The following GNB4 variants were observed in gnomAD, a reference collection of about 807,000 sequenced individuals.
The protein encoded by GNB4 is G protein subunit beta 4.
GNB4 carries 28 observed loss-of-function variants against 45.2 expected under a neutral mutation model. That is an observed-to-expected ratio of 0.62 (90% confidence interval 0.46 to 0.85). GNB4 has a LOEUF of 0.85. GNB4 is among the 40% of genes least tolerant of loss of function. The pLI is 0.00. For synonymous variants in GNB4, 132 were observed against 143.7 expected (o/e 0.92, Z 0.58); for missense variants, 321 against 425.4 (o/e 0.75, Z 2.16).
chr3:179,442,396 C>T (rs1715617424), intron 1 of GNB4, among the ~76,000 whole-genome samples: 1 of 152,108 alleles, frequency 6.6e-6, no homozygotes, highest in Non-Finnish European at 1.5e-5. Flanking sequence ...AGGGCATTTC[C>T]TTTTACTTAG....
the GNB4 span, among the ~76,000 whole-genome samples, chr3:179,490,667 G>T: frequency 2.6e-5 from 4 of 152,182 alleles, no homozygotes; most frequent in East Asian, 1.9e-4. Context: ...GTGTATCCCG[G>T]TTCTGAGGGA....
At chr3:179,526,711 T>C in the GNB4 span, among the ~76,000 whole-genome samples, 23 of 152,314 alleles carry the variant, frequency 1.5e-4, no homozygotes, top group Non-Finnish European at 3.1e-4. Flanking sequence ...CAAGTTATAA[T>C]CTAGATTGAG....
At chr3:179,453,175 T>C (rs139195001), upstream of GNB4, among the ~76,000 whole-genome samples, 1 of 152,342 alleles carries the variant, frequency 6.6e-6, no homozygotes, top group Non-Finnish European at 1.5e-5. Flanking sequence ...GGAGTCACTG[T>C]GCAGTGATGT....
At chr3:179,422,486 C>CAA (rs11400633) in intron 2 of GNB4, among the ~76,000 whole-genome samples, 2 of 148,400 alleles carry the variant, frequency 1.3e-5, no homozygotes, top group African/African-American at 2.5e-5. Flanking sequence ...CAAAACAAAA[C>CAA]AAAAAAAAGA....
At chr3:179,500,430 C>A in the GNB4 span, among the ~76,000 whole-genome samples, 2 of 152,118 alleles carry the variant, frequency 1.3e-5, no homozygotes, top group Non-Finnish European at 2.9e-5. Flanking sequence ...CCGTTCTGTT[C>A]CATTGGTCTA....
chr3:179,437,692 C>T (rs1715493574), intron 1 of GNB4: 1 of 152,078 alleles, frequency 6.6e-6, no homozygotes, highest in Non-Finnish European at 1.5e-5. Flanking sequence ...AAAAAAAAAC[C>T]TGTAGTTTTC....
chr3:179,514,289 G>A, the GNB4 span, among the ~76,000 whole-genome samples: 4 of 152,298 alleles, frequency 2.6e-5, no homozygotes, highest in African/African-American at 9.6e-5. Context: ...GCATTCTAGA[G>A]TCAAGGAACA....
the GNB4 span, among the ~76,000 whole-genome samples, chr3:179,485,012 T>G: frequency 1.9e-4 from 12 of 64,470 alleles, no homozygotes; most frequent in East Asian, 1.1e-3. Context: ...TTTGTTTTTT[T>G]TTTTTTTTTT....
Position 179,414,682 on chromosome 3 carries a change from TAC to T in GNB4, c.430+201_430+202del, listed in dbSNP as rs531383780. Reference sequence around the variant, plus strand: ...AATTTATCATTTTTTACAAAAACAATACAGCTATTTTTGAAAAATAAAATTAT... The same window carrying T: ...AATTTATCATTTTTTACAAAAACAATAGCTATTTTTGAAAAATAAAATTAT... On this transcript the variant is annotated intron_variant, in intron 6 of 9. Transcript: ENST00000232564. Among the ~76,000 whole-genome samples, 1,192 of 152,272 alleles carry T rather than the reference TAC, an allele frequency of 7.8e-3. 6 individuals carry two copies. Among genetic ancestry groups the T allele is most frequent in the Non-Finnish European group, 0.011 (750 of 68,020 alleles).
At chr3:179,508,363 G>A in the GNB4 span, among the ~76,000 whole-genome samples, 2 of 152,162 alleles carry the variant, frequency 1.3e-5, no homozygotes, top group Non-Finnish European at 2.9e-5. Flanking sequence ...TGACACATGG[G>A]CACAGCAGAC....
chr3:179,509,043 C>G, the GNB4 span, among the ~76,000 whole-genome samples: 1 of 150,222 alleles, frequency 6.7e-6, no homozygotes, highest in African/African-American at 2.5e-5. Flanking sequence ...TTTCCTAGCT[C>G]TGTCCACTGA....
At chr3:179,409,877 C>A (rs1219112401) in intron 8 of GNB4, among the ~76,000 whole-genome samples, 1 of 151,608 alleles carries the variant, frequency 6.6e-6, no homozygotes, top group African/African-American at 2.4e-5. Context: ...TCCGAGTGAT[C>A]AGTTTGGCTT....
chr3:179,524,448 A>G, the GNB4 span, among the ~76,000 whole-genome samples: 1 of 152,352 alleles, frequency 6.6e-6, no homozygotes, highest in East Asian at 1.9e-4. Context: ...TGGCTTAGGC[A>G]TTTTGAAGTT....
intron 8 of GNB4, among the ~76,000 whole-genome samples, chr3:179,408,046 G>A (rs1170319120): frequency 6.6e-6 from 1 of 152,120 alleles, no homozygotes; most frequent in Non-Finnish European, 1.5e-5. Context: ...AACTTGGCCA[G>A]TCTGATTTTA....
the GNB4 span, among the ~76,000 whole-genome samples, chr3:179,470,847 CA>C: frequency 6.6e-6 from 1 of 151,998 alleles, no homozygotes; most frequent in Admixed American, 6.5e-5. Context: ...ACAAAAGAGT[CA>C]AAAAGTTTAA....
At chr3:179,495,119 G>A in the GNB4 span, among the ~76,000 whole-genome samples, 1 of 152,004 alleles carries the variant, frequency 6.6e-6, no homozygotes, top group African/African-American at 2.4e-5. Context: ...TGGGCATGAT[G>A]GCGTGTGTCC....
chr3:179,509,228 T>C, the GNB4 span, among the ~76,000 whole-genome samples: 1 of 151,214 alleles, frequency 6.6e-6, no homozygotes, highest in Non-Finnish European at 1.5e-5. Context: ...CCTTTTTCAT[T>C]GATATTGATA....
At chr3:179,460,560 G>A in the GNB4 span, among the ~76,000 whole-genome samples, 1 of 152,144 alleles carries the variant, frequency 6.6e-6, no homozygotes, top group Admixed American at 6.5e-5. Context: ...AGTTGATAAA[G>A]CAGCAGCTCT....
At chr3:179,444,473 T>TACG (rs1380306262) in intron 1 of GNB4, among the ~76,000 whole-genome samples, 1 of 151,252 alleles carries the variant, frequency 6.6e-6, no homozygotes, top group East Asian at 1.9e-4. Context: ...GCCCTTTTAA[T>TACG]ACGTAATACA....
Sources: gnomAD v4.1 joint callset for allele counts (sites outside exome capture counted in the v4.1 genomes callset) on GRCh38, gnomAD v4.1.1 for gene constraint, MANE v1.5 for transcripts, NCBI Gene and HGNC (gene_info 2026-07-23, HGNC 2026-07-21) for gene names.